TMPRSS11E: variants seen among roughly 807,000 people sequenced by gnomAD.
TMPRSS11E encodes transmembrane serine protease 11E, also known as transmembrane protease serine 11E.
A neutral mutation model predicts 48.1 loss-of-function variants in TMPRSS11E; 38 were observed. That is an observed-to-expected ratio of 0.79 (90% confidence interval 0.61 to 1.04). The LOEUF (loss-of-function observed/expected upper bound fraction) is 1.04, where lower values mean the gene tolerates loss of function less well. TMPRSS11E is among the 50% of genes least tolerant of loss of function. The probability of loss-of-function intolerance (pLI) is 0.00; values close to 1 mark genes in which losing one functional copy is unlikely to be tolerated. For missense variants in TMPRSS11E, 530 were observed against 510.8 expected (o/e 1.04, Z -0.36); for synonymous variants, 158 against 171.9 (o/e 0.92, Z 0.63).
chr4:68,449,548 G>A (rs1728437909), intron 1 of TMPRSS11E, among the ~76,000 whole-genome samples: 1 of 151,706 alleles, frequency 6.6e-6, no homozygotes, highest in Non-Finnish European at 1.5e-5. Flanking sequence ...GTCTCTAAAA[G>A]TGTGGTCCGT....
intron 2 of TMPRSS11E, among the ~76,000 whole-genome samples, chr4:68,465,289 C>A (rs941690416): frequency 5.3e-5 from 8 of 152,136 alleles, no homozygotes; most frequent in Non-Finnish European, 1.2e-4. Flanking sequence ...CATCACCAAC[C>A]GCACCCAAGC....
intron 9 of TMPRSS11E, among the ~76,000 whole-genome samples, chr4:68,488,824 G>C (rs1464283942): frequency 1.3e-5 from 2 of 152,202 alleles, no homozygotes; most frequent in African/African-American, 4.8e-5. Context: ...ACAGGCGTGA[G>C]CCACCGCGCC....
rs1729222684 is a variant in TMPRSS11E at position 68,476,450 on chromosome 4, A to C, written c.707+12A>C. The C allele has an allele frequency of 6.3e-7, 1 of 1,596,008 alleles. No individual in the cohort carries two copies. The highest frequency in any genetic ancestry group is 1.3e-5 in the African/African-American group (1 of 74,544). On this transcript the variant is annotated intron_variant, in intron 7 of 9. Transcript: ENST00000305363. ...CACTGTTTTACAACGTAAGTCTTGA[A>C]GCTTGAGAATGATTGGGAGTGAACA...
At chr4:68,452,928 T>C (rs1728538672) in intron 1 of TMPRSS11E, among the ~76,000 whole-genome samples, 1 of 151,960 alleles carries the variant, frequency 6.6e-6, no homozygotes. Context: ...CTCAAATCTC[T>C]GAATTGGATG....
Position 68,477,560 on chromosome 4 carries a change from A to T in TMPRSS11E, c.899A>T (p.Asp300Val). 2 of 1,614,114 alleles carry T rather than the reference A, an allele frequency of 1.2e-6. No individual in the cohort carries two copies. The highest frequency in any genetic ancestry group is 1.7e-6 in the Non-Finnish European group (2 of 1,179,978). Residue 300 changes from aspartate to valine, a missense_variant, in exon 8 of 10, where the codon GAT (aspartate) becomes GTT (valine). Asp to Val is a radical substitution (Grantham distance 152). Transcript: ENST00000305363. ...TNAVHRVCLPDASYEFQPGDV... is the reference protein window; with the variant it reads ...TNAVHRVCLPVASYEFQPGDV... The stretch of plus-strand genomic sequence containing the variant: ...GCAGTACATAGAGTTTGTCTCCCTG[A>T]TGCATCCTATGAGTTTCAACCAGGT...
At chr4:68,482,715 T>C (rs922316941) in intron 9 of TMPRSS11E, among the ~76,000 whole-genome samples, 1 of 151,686 alleles carries the variant, frequency 6.6e-6, no homozygotes, top group African/African-American at 2.4e-5. Flanking sequence ...TAGGCTGCAT[T>C]GAGCTGTGAT....
At chr4:68,463,475 C>G (rs558069166) in intron 2 of TMPRSS11E, among the ~76,000 whole-genome samples, 1 of 151,988 alleles carries the variant, frequency 6.6e-6, no homozygotes, top group South Asian at 2.1e-4. Flanking sequence ...CTAATTTTTT[C>G]TATTTTTAGC....
chr4:68,460,912 G>A (rs562444711), intron 1 of TMPRSS11E, among the ~76,000 whole-genome samples: 129 of 144,336 alleles, frequency 8.9e-4, no homozygotes, highest in Non-Finnish European at 1.8e-3. Flanking sequence ...ACGGAGTCTC[G>A]CTCTACCGCC....
rs149321075 is a variant in TMPRSS11E, at chr4:68,481,167, G to A, written c.1110+2176G>A. The stretch of plus-strand genomic sequence containing the variant: ...GCTTTCTGGCTCCATAGCATTCCAT[G>A]GGGTATATTTACCACATTTTCTGTA... On this transcript the variant is annotated intron_variant, in intron 9 of 9. Transcript: ENST00000305363. Among the ~76,000 whole-genome samples, 775 of 152,230 alleles carry A rather than the reference G, an allele frequency of 5.1e-3. 8 individuals carry two copies. The highest frequency in any genetic ancestry group is 0.017 in the African/African-American group (705 of 41,554).
chr4:68,496,140 AT>A (rs1485969999), intron 9 of TMPRSS11E, among the ~76,000 whole-genome samples: 1 of 152,154 alleles, frequency 6.6e-6, no homozygotes. Flanking sequence ...TATTAGGAGC[AT>A]TTACAGATAA....
chr4:68,481,737 C>T (rs1024935736), intron 9 of TMPRSS11E, among the ~76,000 whole-genome samples: 4 of 152,110 alleles, frequency 2.6e-5, no homozygotes, highest in African/African-American at 4.8e-5. Flanking sequence ...ATCACTAGAG[C>T]TCAGAAGTTC....
intron 9 of TMPRSS11E, among the ~76,000 whole-genome samples, chr4:68,486,281 C>T (rs975151001): frequency 6.6e-6 from 1 of 152,078 alleles, no homozygotes; most frequent in South Asian, 2.1e-4. Flanking sequence ...GCATTTTGCC[C>T]CATAAACTTT....
chr4:68,492,026 G>A (rs1729739004), intron 9 of TMPRSS11E, among the ~76,000 whole-genome samples: 1 of 152,028 alleles, frequency 6.6e-6, no homozygotes, highest in Non-Finnish European at 1.5e-5. Flanking sequence ...TTATACTCTG[G>A]CAAATGCCCA....
chr4:68,477,530 C>A lies in TMPRSS11E; in HGVS notation c.869C>A (p.Thr290Lys), dbSNP rs1729261719. Residue 290 changes from threonine (T) to lysine (K), a missense_variant, in exon 8 of 10, where the codon ACA becomes AAA. Coordinates refer to ENST00000305363, the MANE Select transcript of TMPRSS11E (RefSeq NM_014058.4). ...LAELSSPVPYTNAVHRVCLPD... is the reference protein window; with the variant it reads ...LAELSSPVPYKNAVHRVCLPD... ...GAGCTTTCTAGCCCTGTTCCCTACA[C>A]AAATGCAGTACATAGAGTTTGTCTC... 1.2e-6 allele frequency: 2 copies of A among 1,614,124 alleles called. No individual in the cohort carries two copies. Among genetic ancestry groups the A allele is most frequent in the African/African-American group, 1.3e-5 (1 of 75,038 alleles).
intron 9 of TMPRSS11E, among the ~76,000 whole-genome samples, chr4:68,493,502 T>C (rs1255787506): frequency 2.6e-5 from 4 of 152,100 alleles, no homozygotes; most frequent in African/African-American, 7.2e-5. Context: ...GTTTCATGCT[T>C]GTTACCCAGG....
intron 5 of TMPRSS11E, among the ~76,000 whole-genome samples, chr4:68,474,166 C>G (rs547036826): frequency 6.6e-6 from 1 of 151,974 alleles, no homozygotes; most frequent in South Asian, 2.1e-4. Flanking sequence ...AGCTAAATGA[C>G]AATTTGAGGG....
chr4:68,463,036 C>T (rs1054419718), intron 2 of TMPRSS11E, among the ~76,000 whole-genome samples: 1 of 152,032 alleles, frequency 6.6e-6, no homozygotes, highest in African/African-American at 2.4e-5. Context: ...TTCAAGGCAC[C>T]GTAACCATAG....
intron 9 of TMPRSS11E, among the ~76,000 whole-genome samples, chr4:68,489,581 C>T (rs950914568): frequency 6.6e-6 from 1 of 152,182 alleles, no homozygotes; most frequent in African/African-American, 2.4e-5. Context: ...AGCAAAGCAG[C>T]AGGTAGAGGC....
At position 68,496,911 on chromosome 4, in the gene TMPRSS11E, G is replaced by C; in HGVS notation, c.*107G>C. 1.8e-6 allele frequency: 2 copies of C among 1,128,410 alleles called. No homozygotes were observed. Among genetic ancestry groups the C allele is most frequent in the Non-Finnish European group, 2.6e-6 (2 of 780,494 alleles). The allele number at this position is 1,128,410 out of a possible 1,614,324, so 69.9% of individuals were successfully genotyped here. On this transcript the variant is annotated 3_prime_UTR_variant, in exon 10 of 10. Transcript: ENST00000305363. ...GAAGACTTGCAAAACAGCTAGATTT[G>C]ACTGATCTCAATAAACTGTTTGCTT... is the stretch of plus-strand genomic sequence containing the variant.
Sources: gnomAD v4.1 joint callset for allele counts (sites outside exome capture counted in the v4.1 genomes callset) on GRCh38, gnomAD v4.1.1 for gene constraint, MANE v1.5 for transcripts, NCBI Gene and HGNC (gene_info 2026-07-23, HGNC 2026-07-21) for gene names.